The following CTNNA1 variants were observed in gnomAD, a reference collection of about 807,000 sequenced individuals.
CTNNA1 encodes the protein catenin alpha 1, also known as catenin alpha-1.
Under a neutral mutation model 98.4 loss-of-function variants are expected in CTNNA1, and 37 were observed. The observed-to-expected ratio is 0.38, with a 90% CI of 0.29 to 0.49. CTNNA1 has a LOEUF of 0.49. CTNNA1 is among the 20% of genes least tolerant of loss of function. The pLI is 0.95. For missense variants in CTNNA1, 761 were observed against 1,147.2 expected (o/e 0.66, Z 4.86); for synonymous variants, 404 against 413.2 (o/e 0.98, Z 0.27).
chr5:138,856,598 T>C (rs1763752235), intron 7 of CTNNA1, among the ~76,000 whole-genome samples: 1 of 152,194 alleles, frequency 6.6e-6, no homozygotes, highest in Non-Finnish European at 1.5e-5. Flanking sequence ...TGTGTTGGAC[T>C]CCCAAAGGGC....
At chr5:138,766,033 T>C (rs1006384962) in intron 1 of CTNNA1, among the ~76,000 whole-genome samples, 1 of 151,428 alleles carries the variant, frequency 6.6e-6, no homozygotes, top group Non-Finnish European at 1.5e-5. Context: ...TCTTTGTGCA[T>C]AGAGCAGTTG....
chr5:138,887,174 C>T (rs1754255966), intron 8 of CTNNA1, among the ~76,000 whole-genome samples: 1 of 152,086 alleles, frequency 6.6e-6, no homozygotes, highest in Non-Finnish European at 1.5e-5. Context: ...CCCAGAGCTG[C>T]TTTCAGTTCA....
intron 13 of CTNNA1, among the ~76,000 whole-genome samples, chr5:138,927,034 C>A (rs1458961478): frequency 6.6e-6 from 1 of 152,158 alleles, no homozygotes; most frequent in Non-Finnish European, 1.5e-5. Context: ...TCTGTGAATT[C>A]TTTTGGCTCT....
intron 11 of CTNNA1, among the ~76,000 whole-genome samples, chr5:138,921,619 T>A: frequency 6.7e-6 from 1 of 148,404 alleles, no homozygotes; most frequent in African/African-American, 2.5e-5. Context: ...TTTTTTTTTT[T>A]GAGATGGAGT....
intron 7 of CTNNA1, among the ~76,000 whole-genome samples, chr5:138,839,278 A>G (rs1048509872): frequency 7.2e-5 from 11 of 151,820 alleles, no homozygotes; most frequent in African/African-American, 2.7e-4. Flanking sequence ...GGCTGGAAGT[A>G]TAGAGGCATG....
At chr5:138,840,168 G>C (rs1026542239) in intron 7 of CTNNA1, among the ~76,000 whole-genome samples, 1 of 152,176 alleles carries the variant, frequency 6.6e-6, no homozygotes, top group South Asian at 2.1e-4. Flanking sequence ...TGGAACAAAA[G>C]AACAGAAAAT....
intron 1 of CTNNA1, among the ~76,000 whole-genome samples, chr5:138,767,228 G>C (rs893839271): frequency 7.2e-5 from 11 of 152,102 alleles, no homozygotes; most frequent in Non-Finnish European, 1.5e-4. Flanking sequence ...AGTAGAGACA[G>C]GGTTTCACTG....
chr5:138,814,500 A>G (rs1759204788), intron 5 of CTNNA1, among the ~76,000 whole-genome samples: 1 of 152,218 alleles, frequency 6.6e-6, no homozygotes, highest in Non-Finnish European at 1.5e-5. Flanking sequence ...TGGTAATCCT[A>G]TAAATGTGGC....
At chr5:138,854,107 A>G (rs1053340564) in intron 7 of CTNNA1, among the ~76,000 whole-genome samples, 4 of 152,208 alleles carry the variant, frequency 2.6e-5, no homozygotes, top group Admixed American at 2.6e-4. Context: ...TTACATCTGC[A>G]AGACTTTCGT....
intron 3 of CTNNA1, among the ~76,000 whole-genome samples, chr5:138,795,429 G>T (rs1304737825): frequency 2.6e-5 from 4 of 151,830 alleles, no homozygotes; most frequent in African/African-American, 4.8e-5. Flanking sequence ...CGGCACTCCA[G>T]CCTGGGCGAC....
At chr5:138,818,707 A>G (rs894184747) in intron 5 of CTNNA1, among the ~76,000 whole-genome samples, 1 of 152,084 alleles carries the variant, frequency 6.6e-6, no homozygotes, top group Admixed American at 6.6e-5. Context: ...CTTGGTGTCA[A>G]GGGTTTTTGG....
Position 138,933,985 on chromosome 5 carries a change from G to A in CTNNA1, c.2617G>A (p.Glu873Lys), listed in dbSNP as rs2150359777. 1 of 1,614,170 alleles carries A rather than the reference G, an allele frequency of 6.2e-7. No homozygotes were observed. Among genetic ancestry groups the A allele is most frequent in the East Asian group, 2.2e-5 (1 of 44,888 alleles). The change falls in exon 18 of 18, where the codon GAG (glutamate) becomes AAG (lysine). Residue 873 changes from glutamate to lysine, a missense_variant. Around this residue, in one of 6 missense-constraint regions of CTNNA1, gnomAD observed 57 missense variants for 90.9 expected, o/e 0.63. Transcript: ENST00000302763. ...APEKKPLVKR[E>K]KQDETQTKIK... ...AGAGAAAAAGCCATTGGTGAAGAGA[G>A]AGAAACAGGATGAGACACAGACCAA...
At chr5:138,910,927 A>G (rs1760478113) in intron 10 of CTNNA1, among the ~76,000 whole-genome samples, 1 of 152,180 alleles carries the variant, frequency 6.6e-6, no homozygotes, top group East Asian at 1.9e-4. Context: ...GAAGAGTGAC[A>G]TGAGCTTACT....
chr5:138,853,336 T>C (rs996492063), intron 7 of CTNNA1, among the ~76,000 whole-genome samples: 1 of 152,202 alleles, frequency 6.6e-6, no homozygotes, highest in Non-Finnish European at 1.5e-5. Flanking sequence ...ATTTGCTTTT[T>C]TATGAAGTGT....
chr5:138,760,913 G>C (rs1752283451), intron 1 of CTNNA1, among the ~76,000 whole-genome samples: 1 of 152,168 alleles, frequency 6.6e-6, no homozygotes, highest in Non-Finnish European at 1.5e-5. Context: ...TTGGATAGAA[G>C]AGGAGATGTC....
At chr5:138,775,506 C>G (rs1279656486) in intron 1 of CTNNA1, among the ~76,000 whole-genome samples, 1 of 152,148 alleles carries the variant, frequency 6.6e-6, no homozygotes, top group East Asian at 1.9e-4. Flanking sequence ...GCACCCCTAT[C>G]TCTAGTGATT....
At chr5:138,772,756 A>G (rs1753681792) in intron 1 of CTNNA1, among the ~76,000 whole-genome samples, 2 of 152,256 alleles carry the variant, frequency 1.3e-5, no homozygotes, top group African/African-American at 4.8e-5. Flanking sequence ...GTGACAACAT[A>G]AATGAAAAGA....
At chr5:138,782,076 C>A in intron 2 of CTNNA1, 47 bp downstream of exon 2, 4 of 1,562,838 alleles carry the variant, frequency 2.6e-6, no homozygotes, top group Non-Finnish European at 3.5e-6. Context: ...TTCTATAGCA[C>A]AGGCCTGGGT....
chr5:138,908,539 C>G (rs938244438), intron 10 of CTNNA1, among the ~76,000 whole-genome samples: 1 of 151,630 alleles, frequency 6.6e-6, no homozygotes, highest in African/African-American at 2.4e-5. Flanking sequence ...ATGGCGTGCA[C>G]TTGTAGTCCC....
Sources: allele counts gnomAD v4.1 joint callset (sites outside exome capture counted in the v4.1 genomes callset), GRCh38; gene constraint gnomAD v4.1.1; regional missense constraint gnomAD v4.1.1; transcripts MANE v1.5; gene names NCBI Gene and HGNC (gene_info 2026-07-23, HGNC 2026-07-21).